The following PCDHGB1 variants were observed in gnomAD, a reference collection of about 807,000 sequenced individuals.
PCDHGB1 encodes the protein protocadherin gamma subfamily B, 1, also known as protocadherin gamma-B1.
PCDHGB1 carries 34 observed loss-of-function variants against 56.6 expected under a neutral mutation model. That is an observed-to-expected ratio of 0.60 (90% confidence interval 0.46 to 0.80). PCDHGB1 has a LOEUF of 0.80. PCDHGB1 is among the 30% of genes least tolerant of loss of function. The probability of loss-of-function intolerance (pLI) is 0.00; values close to 1 mark genes in which losing one functional copy is unlikely to be tolerated. For missense variants in PCDHGB1, 1,278 were observed against 1,204.6 expected (o/e 1.06, Z -0.90); for synonymous variants, 561 against 505.9 (o/e 1.11, Z -1.46).
chr5:141,395,788 C>A (rs1254748153), intron 1 of PCDHGB1: 2 of 152,198 alleles, frequency 1.3e-5, no homozygotes, highest in African/African-American at 4.8e-5. Context: ...AACTTTAATA[C>A]TTCTTACCAT....
At chr5:141,428,186 CCGCTCTCTGCGCCGCTA>C (rs1167279209) in intron 1 of PCDHGB1, 1 of 1,460,956 alleles carries the variant, frequency 6.8e-7, no homozygotes, top group Admixed American at 1.8e-5. Context: ...AGGACAGCCG[CCGCTCTCTGCGCCGCTA>C]CGCTTCACCT....
At chr5:141,480,738 T>C (rs2099524955) in intron 1 of PCDHGB1, among the ~76,000 whole-genome samples, 1 of 152,124 alleles carries the variant, frequency 6.6e-6, no homozygotes, top group Admixed American at 6.5e-5. Flanking sequence ...GGGTGGGACA[T>C]AGGCATCATT....
chr5:141,504,680 A>G (rs912248504), intron 2 of PCDHGB1, among the ~76,000 whole-genome samples: 1 of 150,294 alleles, frequency 6.7e-6, no homozygotes, highest in Non-Finnish European at 1.5e-5. Flanking sequence ...GGGTTCTTGT[A>G]AAATAGGAGG....
chr5:141,446,260 TA>T (rs1207497940), intron 1 of PCDHGB1, among the ~76,000 whole-genome samples: 4 of 152,130 alleles, frequency 2.6e-5, no homozygotes, highest in Non-Finnish European at 4.4e-5. Context: ...GAAATATTAT[TA>T]ACTGAATAAA....
At position 141,512,523 on chromosome 5, in the gene PCDHGB1, T is replaced by A. The variant is rs1222752176; in HGVS notation, c.*1350T>A. 6.5e-6 allele frequency: 1 copy of A among 152,848 alleles called. No homozygotes were observed. The highest frequency in any genetic ancestry group is 1.5e-5 in the Non-Finnish European group (1 of 68,240). 9.5% of individuals were successfully genotyped at this position (152,848 alleles called of 1,614,324 possible). A position where few individuals can be genotyped will look rare whatever the true frequency, so the allele number is the denominator to read the frequency against. The stretch of plus-strand genomic sequence containing the variant: ...AGTGCGCCCCCTAGTGGCCATAGCC[T>A]GGTTAAAGTTCCCCAGTGCCTCCTT... On this transcript the variant is annotated 3_prime_UTR_variant, in exon 4 of 4. Transcript: ENST00000523390.
At chr5:141,361,597 TCCTA>T in intron 1 of PCDHGB1, 1 of 1,614,048 alleles carries the variant, frequency 6.2e-7, no homozygotes, top group Non-Finnish European at 8.5e-7. Flanking sequence ...TGGCCAAGTT[TCCTA>T]CTCCATCGTA....
At chr5:141,397,725 C>T (rs1292048088) in intron 1 of PCDHGB1, among the ~76,000 whole-genome samples, 1 of 152,180 alleles carries the variant, frequency 6.6e-6, no homozygotes, top group Non-Finnish European at 1.5e-5. Flanking sequence ...ATTTGGAAAA[C>T]AGAGAAAGAT....
At chr5:141,357,546 G>A in intron 1 of PCDHGB1, 2 of 1,614,182 alleles carry the variant, frequency 1.2e-6, no homozygotes, top group Non-Finnish European at 1.7e-6. Context: ...TCATCAGCCG[G>A]GAGAGTTGTG....
At chr5:141,406,649 G>A (rs1447190497) in intron 1 of PCDHGB1, among the ~76,000 whole-genome samples, 2 of 152,098 alleles carry the variant, frequency 1.3e-5, no homozygotes, top group African/African-American at 2.4e-5. Flanking sequence ...ATTTCCTAAT[G>A]CTTTAATGTT....
intron 1 of PCDHGB1, among the ~76,000 whole-genome samples, chr5:141,401,772 G>T (rs756327304): frequency 6.6e-6 from 1 of 152,126 alleles, no homozygotes; most frequent in Non-Finnish European, 1.5e-5. Context: ...TAAGTCTTTT[G>T]CTTGGTTTCC....
Position 141,485,151 on chromosome 5 carries a change from T to C in PCDHGB1, c.2410-9656T>C, listed in dbSNP as rs1191585056. 1.0e-5 allele frequency: 16 copies of C among 1,584,876 alleles called. No homozygotes were observed. Among genetic ancestry groups the C allele is most frequent in the Non-Finnish European group, 1.3e-5 (15 of 1,156,528 alleles). On this transcript the variant is annotated intron_variant, in intron 1 of 3. Coordinates refer to ENST00000523390, the MANE Select transcript of PCDHGB1 (RefSeq NM_018922.3). This position sits in a 1 kb window ranked among gnomAD's most constrained non-coding sequence, Gnocchi z 5.7. ...GCTTCATCCGCGTCTCAGGAGCAAG[T>C]AGAGAATTAGCGGGCGGCAGCAATG...
At chr5:141,372,786 TC>T in intron 1 of PCDHGB1, 1 of 1,605,598 alleles carries the variant, frequency 6.2e-7, no homozygotes, top group Non-Finnish European at 8.5e-7. Context: ...AGAAATGCCT[TC>T]TAATTCAGGC....
At chr5:141,421,979 G>C in intron 1 of PCDHGB1, 1 of 1,609,702 alleles carries the variant, frequency 6.2e-7, no homozygotes, top group Non-Finnish European at 8.5e-7. Flanking sequence ...TATCGCGTGA[G>C]TGTTCCAGAA....
chr5:141,482,593 G>A (rs1314658005), intron 1 of PCDHGB1, among the ~76,000 whole-genome samples: 4 of 149,900 alleles, frequency 2.7e-5, no homozygotes, highest in Non-Finnish European at 5.9e-5. Flanking sequence ...GGGACCAAAC[G>A]GGAAAAAACA....
rs545147450 is a variant in PCDHGB1 at position 141,380,989 on chromosome 5, A to C, written c.2409+28320A>C. On this transcript the variant is annotated intron_variant, in intron 1 of 3. Transcript: ENST00000523390. ...TATTAAACAAATAGAATTTAACTCC[A>C]GTTTACAGAATTCATCTATAATACC... is the stretch of plus-strand genomic sequence containing the variant. Among the ~76,000 whole-genome samples, 4 of 152,258 alleles carry C rather than the reference A, an allele frequency of 2.6e-5. No homozygotes were observed. In the South Asian group the frequency reaches 8.3e-4, roughly 32 times the overall value.
chr5:141,414,801 G>A, intron 1 of PCDHGB1: 2 of 1,614,218 alleles, frequency 1.2e-6, no homozygotes, highest in Non-Finnish European at 1.7e-6. Flanking sequence ...GCGACAGCGG[G>A]GATCCTCCAC....
intron 1 of PCDHGB1, chr5:141,390,108 A>G (rs1450933158): frequency 6.2e-7 from 1 of 1,614,030 alleles, no homozygotes; most frequent in Non-Finnish European, 8.5e-7. Context: ...CCCCAACTAC[A>G]GCGAGGGGAC....
At chr5:141,420,341 G>A in intron 1 of PCDHGB1, 5 of 1,391,412 alleles carry the variant, frequency 3.6e-6, no homozygotes, top group Middle Eastern at 1.9e-4. Context: ...CAATATAGTG[G>A]TATTATTTTA....
Position 141,486,059 on chromosome 5 carries a change from C to A in PCDHGB1, c.2410-8748C>A. On this transcript the variant is annotated intron_variant, in intron 1 of 3. Transcript: ENST00000523390. This position sits in a 1 kb window ranked among gnomAD's most constrained non-coding sequence, Gnocchi z 5.0. ...TCGTGTAAGAAACCTCTTTAGCCTG[C>A]ACCCCACTACTGGAAAGCTTACTCT... 1 of 1,614,152 alleles carries A rather than the reference C, an allele frequency of 6.2e-7. No homozygotes were observed. Among genetic ancestry groups the A allele is most frequent in the Non-Finnish European group, 8.5e-7 (1 of 1,180,010 alleles).
Sources: allele counts gnomAD v4.1 joint callset (sites outside exome capture counted in the v4.1 genomes callset), GRCh38; gene constraint gnomAD v4.1.1; non-coding constraint Gnocchi (gnomAD v3.1); transcripts MANE v1.5; gene names NCBI Gene and HGNC (gene_info 2026-07-23, HGNC 2026-07-21).